UPF2: variants seen among roughly 807,000 people sequenced by gnomAD.
The protein encoded by UPF2 is UPF2 regulator of nonsense mediated mRNA decay.
A neutral mutation model predicts 141.4 loss-of-function variants in UPF2; 17 were observed. The observed-to-expected ratio is 0.12, with a 90% confidence interval of 0.08 to 0.18. The LOEUF (loss-of-function observed/expected upper bound fraction) is 0.18. Ranked by LOEUF, UPF2 falls within the 10% of genes least tolerant of loss-of-function variation. The probability of loss-of-function intolerance (pLI) is 1.00; values close to 1 mark genes in which losing one functional copy is unlikely to be tolerated. For missense variants in UPF2, 1,152 were observed against 1,515.9 expected (o/e 0.76, Z 3.99); for synonymous variants, 540 against 498.0 (o/e 1.08, Z -1.12).
At chr10:11,991,520 A>T (rs1334459316) in intron 8 of UPF2, among the ~76,000 whole-genome samples, 1 of 152,216 alleles carries the variant, frequency 6.6e-6, no homozygotes, top group Admixed American at 6.5e-5. Context: ...ACCCAGAATG[A>T]TCAACACCAA....
intron 13 of UPF2, among the ~76,000 whole-genome samples, chr10:11,955,760 T>A (rs1342246877): frequency 6.6e-6 from 1 of 152,244 alleles, no homozygotes; most frequent in African/African-American, 2.4e-5. Context: ...GAATTGTTTC[T>A]AAAACAGTTA....
intron 4 of UPF2, among the ~76,000 whole-genome samples, chr10:12,010,641 G>C (rs1234546470): frequency 1.3e-5 from 2 of 152,090 alleles, no homozygotes; most frequent in Non-Finnish European, 2.9e-5. Flanking sequence ...TATAGGAGAG[G>C]TGACGAAGAA....
intron 9 of UPF2, among the ~76,000 whole-genome samples, chr10:11,969,190 C>CA (rs1395800143): frequency 6.6e-6 from 1 of 150,486 alleles, no homozygotes; most frequent in Non-Finnish European, 1.5e-5. Flanking sequence ...TTTTTTGAGA[C>CA]AGAGTCTCAT....
chr10:12,024,325 G>A (rs745801639), intron 3 of UPF2, among the ~76,000 whole-genome samples: 23 of 152,090 alleles, frequency 1.5e-4, no homozygotes, highest in Non-Finnish European at 2.6e-4. Flanking sequence ...AGTTTGGGAT[G>A]GGGGGTGGGC....
At chr10:12,038,576 A>G (rs1244398889) in intron 1 of UPF2, among the ~76,000 whole-genome samples, 1 of 151,850 alleles carries the variant, frequency 6.6e-6, no homozygotes, top group African/African-American at 2.4e-5. Flanking sequence ...TAAATATACA[A>G]AAATTAAACA....
intron 9 of UPF2, among the ~76,000 whole-genome samples, chr10:11,978,787 T>C (rs1332152415): frequency 6.6e-6 from 1 of 152,174 alleles, no homozygotes; most frequent in African/African-American, 2.4e-5. Context: ...CCCTGGAGAA[T>C]GATTTCTACC....
chr10:11,948,533 A>T lies in UPF2; in HGVS notation c.3035-25T>A, dbSNP rs760539753. On this transcript the variant is annotated intron_variant, in intron 15 of 21. Coordinates refer to ENST00000357604, the MANE Select transcript of UPF2 (RefSeq NM_015542.4). Reference sequence around the variant, plus strand: ...CCTTGAAATGAGAAGGTGGAAATGGAAAAATACATTAAAAATAGACACAGG... The same window carrying T: ...CCTTGAAATGAGAAGGTGGAAATGGTAAAATACATTAAAAATAGACACAGG... 1.9e-6 allele frequency: 3 copies of T among 1,606,440 alleles called. No homozygotes were observed. In the African/African-American group the frequency reaches 4.0e-5, roughly 22 times the overall value.
In UPF2 at chr10:11,998,314, C is replaced by T. The variant is rs1364894713; in HGVS notation, c.1759-557G>A. On this transcript the variant is annotated intron_variant, in intron 7 of 21. Transcript: ENST00000357604. The surrounding 1 kb of genome is among the most constrained non-coding windows in gnomAD (Gnocchi z 4.5). ...CAGAGGAGAATTCTTCCAAAAGAAA[C>T]TCAACTGTCTTCAATCCCCTGTCTA... Among the ~76,000 whole-genome samples the T allele has an allele frequency of 6.6e-6, 1 of 152,106 alleles. No homozygotes were observed. Among genetic ancestry groups the T allele is most frequent in the African/African-American group, 2.4e-5 (1 of 41,432 alleles).
chr10:12,015,077 A>AT (rs755761750), intron 3 of UPF2, among the ~76,000 whole-genome samples: 1 of 152,222 alleles, frequency 6.6e-6, no homozygotes, highest in Non-Finnish European at 1.5e-5. Flanking sequence ...GCTGGATCCA[A>AT]TTTTTTACAT....
intron 3 of UPF2, among the ~76,000 whole-genome samples, chr10:12,017,007 G>A (rs1238779063): frequency 2.1e-5 from 3 of 145,486 alleles, no homozygotes; most frequent in South Asian, 2.2e-4. Flanking sequence ...GCAACAGAGC[G>A]AGACTCCATC....
chr10:11,983,197 GTAA>G (rs1391073077), intron 8 of UPF2, among the ~76,000 whole-genome samples: 2 of 152,074 alleles, frequency 1.3e-5, no homozygotes, highest in Non-Finnish European at 2.9e-5. Context: ...TCTTATTGTT[GTAA>G]TAACATTACA....
At chr10:12,009,225 T>C (rs1288203390) in intron 4 of UPF2, among the ~76,000 whole-genome samples, 1 of 152,172 alleles carries the variant, frequency 6.6e-6, no homozygotes, top group East Asian at 1.9e-4. Flanking sequence ...CTAGCATATA[T>C]ACAGAAAGAA....
At chr10:11,938,724 A>T (rs1832884775) in intron 18 of UPF2, among the ~76,000 whole-genome samples, 1 of 150,916 alleles carries the variant, frequency 6.6e-6, no homozygotes, top group Non-Finnish European at 1.5e-5. Flanking sequence ...GACCATAAAT[A>T]TTTTCTTCCT....
chr10:12,007,832 A>AAGT (rs1451705182), intron 4 of UPF2, among the ~76,000 whole-genome samples: 109 of 76,298 alleles, frequency 1.4e-3, no homozygotes, highest in African/African-American at 3.4e-3. Flanking sequence ...CGCCGTCTCA[A>AAGT]AGTAATAATA....
rs1420306689 is a variant in UPF2 at position 11,956,615 on chromosome 10, A to G, written c.2371-92T>C. On this transcript the variant is annotated intron_variant, in intron 12 of 21. Transcript: ENST00000357604. This position sits in a 1 kb window ranked among gnomAD's most constrained non-coding sequence, Gnocchi z 4.2. ...AAATTTTGCTATGATTGCGCAGAGA[A>G]CTTTTGAAATAGAAAATACATTAGA... The G allele has an allele frequency of 7.7e-6, 9 of 1,169,806 alleles. No homozygotes were observed. Among genetic ancestry groups the G allele is most frequent in the South Asian group, 2.7e-5 (2 of 73,670 alleles). The allele number at this position is 1,169,806 out of a possible 1,614,324, so 72.5% of individuals were successfully genotyped here.
intron 1 of UPF2, 200 bp from the exon 2 acceptor site, chr10:12,035,641 T>G: frequency 8.4e-5 from 41 of 491,004 alleles, no homozygotes; most frequent in Middle Eastern, 6.1e-4. Flanking sequence ...GTTAGGCCTA[T>G]GTCTAAGTAC....
chr10:11,983,558 G>C (rs10752251), intron 8 of UPF2, among the ~76,000 whole-genome samples: 32,929 of 152,020 alleles, frequency 0.22, 3,919 homozygotes, highest in East Asian at 0.46. Flanking sequence ...ATTTTTAGTA[G>C]AGACGGGGTT....
In UPF2 at chr10:11,929,943, G is replaced by T; in HGVS notation, c.3731C>A (p.Thr1244Asn). The T allele has an allele frequency of 1.2e-6, 2 of 1,614,226 alleles. No homozygotes were observed. Among genetic ancestry groups the T allele is most frequent in the Non-Finnish European group, 8.5e-7 (1 of 1,180,042 alleles). Residue 1244 changes from threonine to asparagine, a missense_variant, in exon 21 of 22, where the codon ACC (threonine) becomes AAC (asparagine). Transcript: ENST00000357604. ...GTAGCGAGGCCGCCTCTCACGATTGGTGTTTGCTGGAGCTGGGCGCTGTGC... is the reference window on the plus strand; with the variant it reads ...GTAGCGAGGCCGCCTCTCACGATTGTTGTTTGCTGGAGCTGGGCGCTGTGC... ...SLAQRPAPANTNRERRPRYQH... is the reference protein window; with the variant it reads ...SLAQRPAPANNNRERRPRYQH...
At chr10:11,982,711 C>G (rs1463032414) in intron 8 of UPF2, among the ~76,000 whole-genome samples, 1 of 152,158 alleles carries the variant, frequency 6.6e-6, no homozygotes, top group African/African-American at 2.4e-5. Context: ...ACCACGACCT[C>G]CGCCTCCCAA....
Sources: allele counts gnomAD v4.1 joint callset (sites outside exome capture counted in the v4.1 genomes callset), GRCh38; gene constraint gnomAD v4.1.1; non-coding constraint Gnocchi (gnomAD v3.1); transcripts MANE v1.5; gene names NCBI Gene and HGNC (gene_info 2026-07-23, HGNC 2026-07-21).